RFX3: variants seen among roughly 807,000 people sequenced by gnomAD.
The protein encoded by RFX3 is regulatory factor X3.
RFX3 carries 14 observed loss-of-function variants against 98.6 expected under a neutral mutation model. The ratio of observed to expected loss-of-function variants is 0.14; its 90% CI spans 0.09 to 0.22. The LOEUF (loss-of-function observed/expected upper bound fraction) is 0.22. Ranked by LOEUF, RFX3 falls within the 10% of genes least tolerant of loss-of-function variation. The pLI, the probability that RFX3 is intolerant of heterozygous loss-of-function variation, is 1.00. For synonymous variants in RFX3, 383 were observed against 328.4 expected, an observed-to-expected ratio of 1.17 and a Z score of -1.80; for missense variants, 639 against 926.9, an observed-to-expected ratio of 0.69 and a Z score of 4.03.
At chr9:3,500,610 G>A (rs748570912) in intron 1 of RFX3, among the ~76,000 whole-genome samples, 1 of 152,088 alleles carries the variant, frequency 6.6e-6, no homozygotes, top group Non-Finnish European at 1.5e-5. Flanking sequence ...TCTCCTGTAT[G>A]ACAAGAAAAA....
At chr9:3,512,170 A>G (rs1817721374) in intron 1 of RFX3, among the ~76,000 whole-genome samples, 1 of 152,084 alleles carries the variant, frequency 6.6e-6, no homozygotes, top group African/African-American at 2.4e-5. Context: ...TTTAAACATA[A>G]GCATTTTTTC....
chr9:3,427,771 T>A (rs569846726), intron 1 of RFX3, among the ~76,000 whole-genome samples: 28 of 152,206 alleles, frequency 1.8e-4, no homozygotes, highest in African/African-American at 6.0e-4. Flanking sequence ...AGGAACTCTC[T>A]GGTAAGCCCA....
At chr9:3,302,861 C>A (rs1474523770) in intron 4 of RFX3, among the ~76,000 whole-genome samples, 1 of 151,780 alleles carries the variant, frequency 6.6e-6, no homozygotes, top group East Asian at 1.9e-4. Flanking sequence ...TTCTAAACAA[C>A]TTAGAAGTTA....
intron 5 of RFX3, among the ~76,000 whole-genome samples, chr9:3,294,617 A>C (rs924182990): frequency 6.6e-5 from 10 of 152,192 alleles, no homozygotes; most frequent in Non-Finnish European, 1.2e-4. Context: ...TTAATTTAAA[A>C]ATTCATTAAA....
chr9:3,398,565 G>A (rs188750341), intron 1 of RFX3, among the ~76,000 whole-genome samples: 1 of 152,282 alleles, frequency 6.6e-6, no homozygotes, highest in East Asian at 1.9e-4. Flanking sequence ...TCAGTTTAGT[G>A]TACAGATGAG....
chr9:3,355,969 A>G (rs1341521385), intron 2 of RFX3, among the ~76,000 whole-genome samples: 1 of 151,924 alleles, frequency 6.6e-6, no homozygotes, highest in Non-Finnish European at 1.5e-5. Flanking sequence ...CACAAGGGAA[A>G]TTAGACAATG....
At chr9:3,247,212 T>C in intron 15 of RFX3, 1 of 985,462 alleles carries the variant, frequency 1.0e-6, no homozygotes, top group South Asian at 4.7e-5. Context: ...TGCTGAACCA[T>C]CTGAGCATTT....
intron 1 of RFX3, among the ~76,000 whole-genome samples, chr9:3,468,630 A>G (rs1053940783): frequency 1.3e-5 from 2 of 152,144 alleles, no homozygotes; most frequent in Non-Finnish European, 2.9e-5. Context: ...TTAAATACAT[A>G]CATTATTATT....
At chr9:3,289,716 G>A (rs1415205396) in intron 6 of RFX3, among the ~76,000 whole-genome samples, 2 of 152,002 alleles carry the variant, frequency 1.3e-5, no homozygotes, top group Non-Finnish European at 2.9e-5. Context: ...GAATGGTTGG[G>A]GGAGAGAAGC....
In RFX3 at chr9:3,303,173, T is replaced by C. The variant is rs201382923; in HGVS notation, c.475-1553A>G. On this transcript the variant is annotated intron_variant, in intron 4 of 16. Coordinates refer to ENST00000617270, the MANE Select transcript of RFX3 (RefSeq NM_001282116.2). ...ATGTTAATGCAGTTTACCACTATAC[T>C]TGAAAATAGTGATACTGCACAAATG... Among the ~76,000 whole-genome samples the C allele has an allele frequency of 2.3e-4, 35 of 151,928 alleles. 1 individual carries two copies. The East Asian group carries it at 6.4e-3, about 28-fold the overall frequency.
At chr9:3,414,892 A>C (rs1196595475) in intron 1 of RFX3, among the ~76,000 whole-genome samples, 1 of 137,770 alleles carries the variant, frequency 7.3e-6, no homozygotes, top group Non-Finnish European at 1.5e-5. Flanking sequence ...ATATAAGTAT[A>C]TATATGAGTA....
intron 2 of RFX3, chr9:3,364,436 T>C: frequency 3.9e-6 from 1 of 257,126 alleles, no homozygotes; most frequent in Non-Finnish European, 7.5e-6. Flanking sequence ...CCTGAAGAAG[T>C]TAATTTGAAG....
At position 3,222,479 on chromosome 9, in the gene RFX3, T is replaced by C. The variant is rs878881343; in HGVS notation, c.*2563A>G. 3.9e-5 allele frequency: 6 copies of C among 152,236 alleles called. No homozygotes were observed. The South Asian group carries it at 1.0e-3, about 26-fold the overall frequency. The allele number at this position is 152,236 out of a possible 1,614,324, so 9.4% of individuals were successfully genotyped here. On this transcript the variant is annotated 3_prime_UTR_variant, in exon 17 of 17. Coordinates refer to ENST00000617270, the MANE Select transcript of RFX3 (RefSeq NM_001282116.2). ...AGATTCCTGTAATGATACAAATATATCCAACATTAAATTAAACAATGATAA... is the reference window on the plus strand; with the variant it reads ...AGATTCCTGTAATGATACAAATATACCCAACATTAAATTAAACAATGATAA...
chr9:3,282,751 A>G (rs1366418616), intron 7 of RFX3, among the ~76,000 whole-genome samples: 2 of 151,798 alleles, frequency 1.3e-5, no homozygotes, highest in African/African-American at 4.8e-5. Flanking sequence ...TCTTTATTTG[A>G]AGAATGACAA....
intron 1 of RFX3, among the ~76,000 whole-genome samples, chr9:3,502,488 C>T (rs1008170585): frequency 1.3e-5 from 2 of 152,008 alleles, no homozygotes; most frequent in Admixed American, 6.6e-5. Flanking sequence ...AAGAAAAATA[C>T]ACAGAAAATC....
chr9:3,443,946 C>G (rs1045273679), intron 1 of RFX3, among the ~76,000 whole-genome samples: 1 of 152,168 alleles, frequency 6.6e-6, no homozygotes, highest in Non-Finnish European at 1.5e-5. Flanking sequence ...TGTAGAGAAA[C>G]TGGAATTCTC....
In RFX3 at chr9:3,270,381, T is replaced by C. The variant is rs1487007964; in HGVS notation, c.1347A>G (p.Arg449=). The C allele has an allele frequency of 6.2e-7, 1 of 1,613,342 alleles. No homozygotes were observed. Among genetic ancestry groups the C allele is most frequent in the East Asian group, 2.2e-5 (1 of 44,804 alleles). The change falls in exon 11 of 17, where the codon AGA becomes AGG. Residue 449 remains arginine (R), a synonymous_variant. Coordinates refer to ENST00000617270, the MANE Select transcript of RFX3 (RefSeq NM_001282116.2). The part of the protein sequence containing the change: ...LVEILIPDVL[R]PIPSALTQAI... Reference sequence around the variant, plus strand: ...CTGCATTTAACTTACTAGGAATAGGTCTAAGGACGTCGGGGATGAGAATCT... The same window carrying C: ...CTGCATTTAACTTACTAGGAATAGGCCTAAGGACGTCGGGGATGAGAATCT...
chr9:3,240,200 T>C (rs148494775), intron 15 of RFX3, among the ~76,000 whole-genome samples: 4 of 152,184 alleles, frequency 2.6e-5, no homozygotes, highest in Non-Finnish European at 1.5e-5. Flanking sequence ...TCAAGACATA[T>C]TTGTCAAGGT....
chr9:3,363,024 G>A (rs747316549), intron 2 of RFX3, among the ~76,000 whole-genome samples: 6 of 152,198 alleles, frequency 3.9e-5, no homozygotes, highest in Non-Finnish European at 8.8e-5. Flanking sequence ...CTTACAAAGT[G>A]AGTAGCATTT....
Sources: allele counts gnomAD v4.1 joint callset (sites outside exome capture counted in the v4.1 genomes callset), GRCh38; gene constraint gnomAD v4.1.1; transcripts MANE v1.5; gene names NCBI Gene and HGNC (gene_info 2026-07-23, HGNC 2026-07-21).